The following KIF5C variants were observed in gnomAD, a reference collection of about 807,000 sequenced individuals.
KIF5C encodes the protein kinesin family member 5C.
Under a neutral mutation model 125.2 loss-of-function variants are expected in KIF5C, and 18 were observed. The ratio of observed to expected loss-of-function variants is 0.14; its 90% CI spans 0.10 to 0.21. KIF5C has a LOEUF of 0.21. KIF5C is among the 10% of genes least tolerant of loss of function. The pLI is 1.00. For missense variants in KIF5C, 780 were observed against 1,183.8 expected (o/e 0.66, Z 5.01); for synonymous variants, 405 against 434.0 (o/e 0.93, Z 0.83).
chr2:148,984,905 C>G (rs149042453), intron 15 of KIF5C, among the ~76,000 whole-genome samples: 8 of 152,176 alleles, frequency 5.3e-5, no homozygotes, highest in Non-Finnish European at 1.2e-4. Flanking sequence ...ATTCATGTGC[C>G]TCAGTCTGCC....
intron 14 of KIF5C, among the ~76,000 whole-genome samples, chr2:148,982,805 C>T (rs1011416746): frequency 2.0e-5 from 3 of 152,072 alleles, no homozygotes; most frequent in Admixed American, 1.3e-4. Context: ...TTTAATTTGC[C>T]ATGAAACCAA....
intron 1 of KIF5C, among the ~76,000 whole-genome samples, chr2:148,915,995 C>T (rs891152427): frequency 6.6e-6 from 1 of 152,224 alleles, no homozygotes; most frequent in African/African-American, 2.4e-5. Flanking sequence ...GGTTGGTACC[C>T]ACAACATCCC....
intron 11 of KIF5C, among the ~76,000 whole-genome samples, chr2:148,973,134 C>T (rs978011981): frequency 1.3e-5 from 2 of 152,136 alleles, no homozygotes; most frequent in Admixed American, 6.5e-5. Flanking sequence ...TTACATAGTT[C>T]TCTTTTTTCT....
chr2:148,986,639 C>T (rs1168646221), intron 15 of KIF5C, among the ~76,000 whole-genome samples: 4 of 152,094 alleles, frequency 2.6e-5, no homozygotes, highest in African/African-American at 9.7e-5. Context: ...ATGAACAGAT[C>T]AAGGGAATTT....
intron 2 of KIF5C, among the ~76,000 whole-genome samples, chr2:148,925,456 G>A (rs146281411): frequency 5.3e-5 from 8 of 152,168 alleles, no homozygotes; most frequent in Non-Finnish European, 1.0e-4. Context: ...CTATATACTT[G>A]ACATATGTTG....
At chr2:148,886,379 C>T (rs1681527341) in intron 1 of KIF5C, 3 of 152,316 alleles carry the variant, frequency 2.0e-5, no homozygotes, top group African/African-American at 7.2e-5. Context: ...GATTCAGGCC[C>T]AACTGGGCTG....
At chr2:148,890,782 C>T (rs1440144659) in intron 1 of KIF5C, among the ~76,000 whole-genome samples, 2 of 152,136 alleles carry the variant, frequency 1.3e-5, no homozygotes, top group Non-Finnish European at 2.9e-5. Context: ...CCCATGAGGA[C>T]GGGTACTGTT....
chr2:149,006,138 T>C (rs1681999950), intron 22 of KIF5C, among the ~76,000 whole-genome samples: 1 of 151,976 alleles, frequency 6.6e-6, no homozygotes, highest in South Asian at 2.1e-4. Flanking sequence ...CTTGCAGAGG[T>C]TTAAGGAAGG....
intron 10 of KIF5C, among the ~76,000 whole-genome samples, chr2:148,951,571 C>T (rs536949796): frequency 1.7e-4 from 26 of 152,238 alleles, no homozygotes; most frequent in Middle Eastern, 3.4e-3. Flanking sequence ...AGAGTGCTTG[C>T]GGTTCTGTGG....
In KIF5C at chr2:148,998,423, G is replaced by A. The variant is rs762787910; in HGVS notation, c.2124G>A (p.Glu708=). Residue 708 remains glutamate, a synonymous_variant, in exon 19 of 26, where the codon GAG becomes GAA. Coordinates refer to ENST00000435030, the MANE Select transcript of KIF5C (RefSeq NM_004522.3). ...EMKKALEQQM[E]SHREAHQKQL... The stretch of plus-strand genomic sequence containing the variant: ...AGAAGGCGCTGGAGCAGCAGATGGA[G>A]AGCCACCGGGAAGCTCACCAGAAGC... 39 of 1,565,272 alleles carry A rather than the reference G, an allele frequency of 2.5e-5. No homozygotes were observed. The South Asian group carries it at 4.2e-4, about 17-fold the overall frequency.
At chr2:148,920,933 C>T (rs752876140) in intron 1 of KIF5C, among the ~76,000 whole-genome samples, 21 of 152,178 alleles carry the variant, frequency 1.4e-4, no homozygotes, top group Admixed American at 3.3e-4. Flanking sequence ...CTTCTGCCCT[C>T]CCCTCTGCTA....
Position 149,010,125 on chromosome 2 carries a change from C to T in KIF5C, c.2551-10C>T. 6.5e-7 allele frequency: 1 copy of T among 1,542,380 alleles called. No homozygotes were observed. The highest frequency in any genetic ancestry group is 8.8e-7 in the Non-Finnish European group (1 of 1,142,276). Reference sequence around the variant, plus strand: ...GGTAGTAACTCCCTTCCTTTATCCTCCTGCCCCAGCTGGTCCGGGACAACG... The same window carrying T: ...GGTAGTAACTCCCTTCCTTTATCCTTCTGCCCCAGCTGGTCCGGGACAACG... On this transcript the variant is annotated splice_polypyrimidine_tract_variant and intron_variant, in intron 23 of 25. Coordinates refer to ENST00000435030, the MANE Select transcript of KIF5C (RefSeq NM_004522.3).
At chr2:148,895,644 C>T (rs1012868615) in intron 1 of KIF5C, among the ~76,000 whole-genome samples, 19 of 152,096 alleles carry the variant, frequency 1.2e-4, no homozygotes, top group East Asian at 3.9e-4. Flanking sequence ...ATATAACTAG[C>T]GTATTAGTTT....
At chr2:148,895,430 A>G (rs59621564) in intron 1 of KIF5C, among the ~76,000 whole-genome samples, 1,872 of 151,988 alleles carry the variant, frequency 0.012, 35 homozygotes, top group African/African-American at 0.043. Flanking sequence ...GAGCCACCGC[A>G]CTTGGCCCTA....
intron 1 of KIF5C, among the ~76,000 whole-genome samples, chr2:148,906,667 C>G (rs1448340372): frequency 7.2e-5 from 11 of 151,998 alleles, no homozygotes; most frequent in Non-Finnish European, 1.5e-5. Flanking sequence ...GGGTTCGAGA[C>G]CAGCCTGGGC....
chr2:148,920,891 G>GA (rs1311475703), intron 1 of KIF5C, among the ~76,000 whole-genome samples: 1 of 152,184 alleles, frequency 6.6e-6, no homozygotes. Flanking sequence ...GAGAAAAGGA[G>GA]GCTCTTGGCT....
rs367571292 is a variant in KIF5C, at chr2:149,010,342, G to T, written c.2758G>T (p.Ala920Ser). 2 of 1,580,522 alleles carry T rather than the reference G, an allele frequency of 1.3e-6. No homozygotes were observed. Among genetic ancestry groups the T allele is most frequent in the East Asian group, 2.3e-5 (1 of 42,838 alleles). The change falls in exon 24 of 26, where the codon GCC (alanine) becomes TCC (serine). Residue 920 changes from alanine to serine, a missense_variant. Coordinates refer to ENST00000435030, the MANE Select transcript of KIF5C (RefSeq NM_004522.3). ...GAACATGGCCAGAAGGGCCCATTCA[G>T]CCCAGATCGGTACGTGCGTGCACAG... Reference protein sequence around the residue: ...AKNMARRAHSAQIAKPIRPGH... With the variant: ...AKNMARRAHSSQIAKPIRPGH...
intron 7 of KIF5C, among the ~76,000 whole-genome samples, chr2:148,946,522 A>G (rs1682523350): frequency 6.6e-6 from 1 of 152,250 alleles, no homozygotes; most frequent in Non-Finnish European, 1.5e-5. Flanking sequence ...TACATCATGT[A>G]TTAATCATGA....
chr2:148,988,249 TC>T (rs1681435779), intron 15 of KIF5C, among the ~76,000 whole-genome samples: 1 of 152,018 alleles, frequency 6.6e-6, no homozygotes, highest in Non-Finnish European at 1.5e-5. Context: ...GTAAGAAACC[TC>T]ACAGTTAAAA....
Sources: allele counts gnomAD v4.1 joint callset (sites outside exome capture counted in the v4.1 genomes callset), GRCh38; gene constraint gnomAD v4.1.1; transcripts MANE v1.5; gene names NCBI Gene and HGNC (gene_info 2026-07-23, HGNC 2026-07-21).